MAP3K14: variants seen among roughly 807,000 people sequenced by gnomAD.
The protein encoded by MAP3K14 is mitogen-activated protein kinase kinase kinase 14.
In MAP3K14, 16 loss-of-function variants were observed where a neutral mutation model predicts 99.2. The ratio of observed to expected loss-of-function variants is 0.16; its 90% CI spans 0.11 to 0.24. MAP3K14 has a LOEUF of 0.24. Among genes scored for constraint, MAP3K14 ranks in the 10% least tolerant of loss-of-function variants. The pLI, the probability that MAP3K14 is intolerant of heterozygous loss-of-function variation, is 1.00. For synonymous variants in MAP3K14, 462 were observed against 492.4 expected, an observed-to-expected ratio of 0.94 and a Z score of 0.82; for missense variants, 784 against 1,208.7, an observed-to-expected ratio of 0.65 and a Z score of 5.21.
At chr17:45,275,762 T>C (rs1352616167) in intron 6 of MAP3K14, among the ~76,000 whole-genome samples, 4 of 79,840 alleles carry the variant, frequency 5.0e-5, no homozygotes, top group Non-Finnish European at 9.3e-5. Flanking sequence ...TTTCTTTTCT[T>C]TTTTTTTTTT....
At chr17:45,292,971 C>T (rs1300267325) in intron 1 of MAP3K14, among the ~76,000 whole-genome samples, 1 of 152,174 alleles carries the variant, frequency 6.6e-6, no homozygotes, top group Non-Finnish European at 1.5e-5. Flanking sequence ...TCCCCAAGCT[C>T]CTGGGTTACA....
Position 45,303,735 on chromosome 17 carries a change from T to C in MAP3K14, c.-20-12970A>G, listed in dbSNP as rs545674949. The stretch of plus-strand genomic sequence containing the variant: ...TACTATACATATATAAACATATAGT[T>C]TGGGACTTTTTTTTTTTTTTGTATT... On this transcript the variant is annotated intron_variant, in intron 1 of 15. Coordinates refer to ENST00000344686, the MANE Select transcript of MAP3K14 (RefSeq NM_003954.5). 1.2e-3 allele frequency among the ~76,000 whole-genome samples: 176 copies of C among 151,798 alleles called. 1 individual carries two copies. The highest frequency in any genetic ancestry group is 0.011 in the South Asian group (54 of 4,822).
chr17:45,276,547 T>C (rs2044181449), intron 6 of MAP3K14, among the ~76,000 whole-genome samples: 2 of 152,082 alleles, frequency 1.3e-5, no homozygotes, highest in African/African-American at 4.8e-5. Flanking sequence ...AGTCTCGCTG[T>C]GTCGCCCAGG....
At chr17:45,274,011 C>T (rs2044160012) in intron 8 of MAP3K14, 112 bp downstream of exon 8, 2 of 1,289,104 alleles carry the variant, frequency 1.6e-6, no homozygotes, top group Non-Finnish European at 2.1e-6. Flanking sequence ...CAGCCTGACT[C>T]AGGGCCTGCT....
At chr17:45,289,189 T>C in intron 3 of MAP3K14, 47 bp downstream of exon 3, 1 of 1,567,170 alleles carries the variant, frequency 6.4e-7, no homozygotes, top group South Asian at 1.1e-5. Context: ...ACGAGGGCGC[T>C]GGGTCCAGTC....
At chr17:45,271,323 C>T (rs2044141238) in intron 9 of MAP3K14, 102 bp from the exon 10 acceptor site, 1 of 987,456 alleles carries the variant, frequency 1.0e-6, no homozygotes, top group Non-Finnish European at 1.5e-6. Flanking sequence ...ACATTTGTCA[C>T]TGTTAAAGTA....
intron 6 of MAP3K14, among the ~76,000 whole-genome samples, chr17:45,275,847 T>C (rs984003395): frequency 6.6e-6 from 1 of 150,638 alleles, no homozygotes; most frequent in African/African-American, 2.4e-5. Flanking sequence ...TTGCAACCTC[T>C]GCCTCCCGGG....
In MAP3K14 at chr17:45,267,649, G is replaced by T; in HGVS notation, c.2083C>A (p.Pro695Thr). The T allele has an allele frequency of 6.2e-7, 1 of 1,613,686 alleles. No homozygotes were observed. Residue 695 changes from proline (P) to threonine (T), a missense_variant, in exon 12 of 16, where the codon CCA becomes ACA. Pro to Thr is a conservative substitution (Grantham distance 38, BLOSUM62 -1). Coordinates refer to ENST00000344686, the MANE Select transcript of MAP3K14 (RefSeq NM_003954.5). The surrounding 1 kb of genome is among the most constrained non-coding windows in gnomAD (Gnocchi z 5.1). Reference protein sequence around the residue: ...TLHAQPRELSPRAPGPRPAEE... With the variant: ...TLHAQPRELSTRAPGPRPAEE... ...GCTGGCCGGGGCCCTGGGGCCCTTG[G>T]CGAAAGCTCTCTCGGCTGGGCATGG... is the stretch of plus-strand genomic sequence containing the variant.
intron 6 of MAP3K14, among the ~76,000 whole-genome samples, chr17:45,276,360 A>G (rs935957765): frequency 4.6e-5 from 7 of 152,216 alleles, no homozygotes; most frequent in Admixed American, 2.6e-4. Flanking sequence ...TCCACATGCA[A>G]ACAGCAGGGA....
At chr17:45,292,353 C>G (rs1336155423) in intron 1 of MAP3K14, among the ~76,000 whole-genome samples, 1 of 152,080 alleles carries the variant, frequency 6.6e-6, no homozygotes, top group Non-Finnish European at 1.5e-5. Context: ...TTACTTGAGC[C>G]CAGGAGTTCA....
chr17:45,282,554 CAAA>C (rs11452454), intron 6 of MAP3K14, among the ~76,000 whole-genome samples: 5 of 123,662 alleles, frequency 4.0e-5, no homozygotes, highest in Non-Finnish European at 6.7e-5. Flanking sequence ...GATCCTGTCT[CAAA>C]AAAAAAAAAA....
intron 1 of MAP3K14, among the ~76,000 whole-genome samples, chr17:45,316,224 C>T (rs183153020): frequency 1.8e-4 from 28 of 152,332 alleles, no homozygotes; most frequent in Admixed American, 7.2e-4. Flanking sequence ...CTGAAGCTAC[C>T]CAGCACTAAG....
intron 1 of MAP3K14, among the ~76,000 whole-genome samples, chr17:45,309,046 C>A (rs1432505834): frequency 6.6e-6 from 1 of 152,146 alleles, no homozygotes; most frequent in African/African-American, 2.4e-5. Flanking sequence ...AGTTCTTGGC[C>A]TAAAAGGCAA....
At chr17:45,294,769 G>C (rs990282123) in intron 1 of MAP3K14, among the ~76,000 whole-genome samples, 6 of 152,250 alleles carry the variant, frequency 3.9e-5, no homozygotes, top group Non-Finnish European at 8.8e-5. Context: ...CAAAGGGCCA[G>C]AGACTGCCAC....
intron 1 of MAP3K14, among the ~76,000 whole-genome samples, chr17:45,297,547 A>T (rs2044354884): frequency 6.6e-6 from 1 of 152,186 alleles, no homozygotes; most frequent in South Asian, 2.1e-4. Flanking sequence ...ACACATACAC[A>T]AACAGGAGTT....
At position 45,267,881 on chromosome 17, in the gene MAP3K14, C is replaced by T. The variant is rs902675448; in HGVS notation, c.1973-122G>A. ...GCAAACAAAGGGGAGGACACTGCCC[C>T]GGGCCACCATGGGAGGTGGCTCCAG... is the stretch of plus-strand genomic sequence containing the variant. On this transcript the variant is annotated intron_variant, in intron 11 of 15. Coordinates refer to ENST00000344686, the MANE Select transcript of MAP3K14 (RefSeq NM_003954.5). This position sits in a 1 kb window ranked among gnomAD's most constrained non-coding sequence, Gnocchi z 5.1. 1.4e-4 allele frequency: 110 copies of T among 808,102 alleles called. No individual in the cohort carries two copies. The highest frequency in any genetic ancestry group is 7.2e-4 in the South Asian group (44 of 60,986). The allele number at this position is 808,102 out of a possible 1,614,324, so 50.1% of individuals were successfully genotyped here.
chr17:45,276,669 GCA>G (rs1477622873), intron 6 of MAP3K14, among the ~76,000 whole-genome samples: 3 of 149,242 alleles, frequency 2.0e-5, no homozygotes, highest in Admixed American at 6.7e-5. Flanking sequence ...CTGCCACTAT[GCA>G]CAGCTAATTT....
Position 45,264,508 on chromosome 17 carries a change from C to G in MAP3K14, c.*128G>C. On this transcript the variant is annotated 3_prime_UTR_variant, in exon 16 of 16. Transcript: ENST00000344686. ...GCCCCCACCTTGCTGCTGCGAGGCC[C>G]TGGTCCCACTGCTGAGCCGGGGGCT... The G allele has an allele frequency of 8.2e-7, 1 of 1,220,518 alleles. No homozygotes were observed. Among genetic ancestry groups the G allele is most frequent in the Middle Eastern group, 2.9e-4 (1 of 3,476 alleles). 75.6% of individuals were successfully genotyped at this position (1,220,518 alleles called of 1,614,324 possible).
In MAP3K14 at chr17:45,289,325, AT is replaced by A; in HGVS notation, c.257-21del. Reference sequence around the variant, plus strand: ...TCTCACCTAAAGCAAAAGGAGTTGGATTAGCAGAGAGGAGAAAAAATAGGAA... The same window carrying A: ...TCTCACCTAAAGCAAAAGGAGTTGGATAGCAGAGAGGAGAAAAAATAGGAA... On this transcript the variant is annotated intron_variant, in intron 2 of 15. Transcript: ENST00000344686. 6.2e-7 allele frequency: 1 copy of A among 1,605,782 alleles called. No individual in the cohort carries two copies. Among genetic ancestry groups the A allele is most frequent in the Non-Finnish European group, 8.5e-7 (1 of 1,172,442 alleles).
Sources: allele counts gnomAD v4.1 joint callset (sites outside exome capture counted in the v4.1 genomes callset), GRCh38; gene constraint gnomAD v4.1.1; non-coding constraint Gnocchi (gnomAD v3.1); transcripts MANE v1.5; gene names NCBI Gene and HGNC (gene_info 2026-07-23, HGNC 2026-07-21).